Variants in NLRP13 observed in about 807,000 individuals in gnomAD.
The protein encoded by NLRP13 is NLR family pyrin domain containing 13.
In NLRP13, 82 loss-of-function variants were observed where a neutral mutation model predicts 94.4. The observed-to-expected ratio is 0.87, with a 90% CI of 0.73 to 1.04. The LOEUF is 1.04. Among genes scored for constraint, NLRP13 ranks in the 50% least tolerant of loss-of-function variants. The probability of loss-of-function intolerance (pLI) is 0.00; values close to 1 mark genes in which losing one functional copy is unlikely to be tolerated. For synonymous variants in NLRP13, 553 were observed against 464.7 expected, an observed-to-expected ratio of 1.19 and a Z score of -2.45; for missense variants, 1,426 against 1,230.8, an observed-to-expected ratio of 1.16 and a Z score of -2.37.
At chr19:55,911,039 G>A (rs1986494999) in intron 5 of NLRP13, among the ~76,000 whole-genome samples, 1 of 152,048 alleles carries the variant, frequency 6.6e-6, no homozygotes, top group South Asian at 2.1e-4. Flanking sequence ...TTCAACCTGG[G>A]AACCTACATC....
chr19:55,924,722 G>C, intron 2 of NLRP13, 64 bp from the exon 3 acceptor site: 1 of 1,441,088 alleles, frequency 6.9e-7, no homozygotes, highest in South Asian at 1.1e-5. Context: ...CAGCAATAAT[G>C]GAAGCCCCCA....
intron 10 of NLRP13, among the ~76,000 whole-genome samples, chr19:55,898,014 A>G (rs1373087426): frequency 6.6e-6 from 1 of 152,176 alleles, no homozygotes; most frequent in East Asian, 1.9e-4. Flanking sequence ...ATGGTTAACA[A>G]CGGTGAAGTG....
Position 55,923,844 on chromosome 19 carries a change from A to T in NLRP13, c.523+70T>A, listed in dbSNP as rs1052037383. 1.4e-5 allele frequency: 15 copies of T among 1,108,476 alleles called. No homozygotes were observed. In the Middle Eastern group the frequency reaches 6.0e-4, roughly 44 times the overall value. 68.7% of individuals were successfully genotyped at this position (1,108,476 alleles called of 1,614,324 possible). On this transcript the variant is annotated intron_variant, in intron 4 of 10. Coordinates refer to ENST00000342929, the MANE Select transcript of NLRP13 (RefSeq NM_176810.2). ...GAAAATGTCAGTATGAGGCAACTCT[A>T]CTATGGACCTAGTGAAACCAATGCT...
At chr19:55,924,071 A>G in intron 3 of NLRP13, 92 bp from the exon 4 acceptor site, 1 of 950,548 alleles carries the variant, frequency 1.1e-6, no homozygotes, top group Admixed American at 1.8e-5. Flanking sequence ...AACTCTTTCT[A>G]TGGCAAACTT....
In NLRP13 at chr19:55,917,895, G is replaced by C. The variant is rs144506528; in HGVS notation, c.524-4602C>G. 2.7e-3 allele frequency among the ~76,000 whole-genome samples: 413 copies of C among 152,002 alleles called. 3 individuals are homozygous for C. The highest frequency in any genetic ancestry group is 9.1e-3 in the African/African-American group (378 of 41,492). ...AACAAAGGAAGTCTGAACTTAAATT[G>C]GACTTTAGACCAAATGAAACTGACA... On this transcript the variant is annotated intron_variant, in intron 4 of 10. Coordinates refer to ENST00000342929, the MANE Select transcript of NLRP13 (RefSeq NM_176810.2).
At chr19:55,927,940 G>A (rs1460137403) in intron 1 of NLRP13, among the ~76,000 whole-genome samples, 2 of 152,152 alleles carry the variant, frequency 1.3e-5, no homozygotes, top group East Asian at 1.9e-4. Context: ...ACACAGTTGT[G>A]TCCGCAAACT....
intron 4 of NLRP13, among the ~76,000 whole-genome samples, chr19:55,913,548 C>CAAG (rs1986594456): frequency 1.9e-5 from 1 of 52,056 alleles, no homozygotes; most frequent in African/African-American, 6.8e-5. Context: ...GACTCCGTCT[C>CAAG]AAAAAAAAAA....
At chr19:55,919,595 G>A (rs1165669782) in intron 4 of NLRP13, among the ~76,000 whole-genome samples, 3 of 151,634 alleles carry the variant, frequency 2.0e-5, no homozygotes, top group Non-Finnish European at 2.9e-5. Context: ...ACCAAATTAA[G>A]AAGGCAATCT....
chr19:55,911,930 G>A lies in NLRP13; in HGVS notation c.1887C>T (p.Ala629=), dbSNP rs755260867. The change falls in exon 5 of 11, where the codon GCC becomes GCT. Residue 629 remains alanine, a synonymous_variant. Coordinates refer to ENST00000342929, the MANE Select transcript of NLRP13 (RefSeq NM_176810.2). ...GTCGTAGAATGTGAAATTGGAGAGA[G>A]GCACTTTCAGCCTTACCTAACTCTT... is the stretch of plus-strand genomic sequence containing the variant. The part of the protein sequence containing the change: ...WGEELGKAES[A]SLQFHILRLF... 9 of 1,614,026 alleles carry A rather than the reference G, an allele frequency of 5.6e-6. No individual in the cohort carries two copies. Among genetic ancestry groups the A allele is most frequent in the African/African-American group, 2.7e-5 (2 of 74,920 alleles).
chr19:55,925,087 C>G, intron 1 of NLRP13, 52 bp from the exon 2 acceptor site: 1 of 1,522,862 alleles, frequency 6.6e-7, no homozygotes, highest in Non-Finnish European at 9.1e-7. Flanking sequence ...TGAAAATGGA[C>G]CAGCAATAAT....
rs762428177 is a variant in NLRP13 at position 55,907,976 on chromosome 19, T to C, written c.2283-20A>G. The C allele has an allele frequency of 4.4e-6, 7 of 1,584,672 alleles. No individual in the cohort carries two copies. In the South Asian group the frequency reaches 8.0e-5, roughly 18 times the overall value. On this transcript the variant is annotated intron_variant, in intron 6 of 10. Transcript: ENST00000342929. ...TTGCACCTGAGGAAGGGAAGGGACA[T>C]GAAAGCTGGATTGGGGGAGAAGACT...
At chr19:55,929,765 A>T (rs1987062462) in intron 1 of NLRP13, among the ~76,000 whole-genome samples, 1 of 152,206 alleles carries the variant, frequency 6.6e-6, no homozygotes, top group South Asian at 2.1e-4. Flanking sequence ...CTAAAACTTG[A>T]AGTATAATAA....
intron 1 of NLRP13, among the ~76,000 whole-genome samples, chr19:55,930,420 T>A (rs971833572): frequency 1.3e-5 from 2 of 152,124 alleles, no homozygotes; most frequent in African/African-American, 4.8e-5. Flanking sequence ...GCATGGTGGC[T>A]CACGCCTGTA....
downstream of NLRP13, chr19:55,895,907 T>C (rs529153493): frequency 4.4e-6 from 7 of 1,600,404 alleles, no homozygotes; most frequent in Non-Finnish European, 5.1e-6. Context: ...TCTAGCCTTG[T>C]CCCTGTATGT....
intron 10 of NLRP13, among the ~76,000 whole-genome samples, chr19:55,896,374 T>C (rs1986010444): frequency 6.6e-6 from 1 of 151,070 alleles, no homozygotes; most frequent in Admixed American, 6.6e-5. Flanking sequence ...ATACAAAAAT[T>C]AGCCAGGCAT....
At chr19:55,917,887 C>T (rs186000526) in intron 4 of NLRP13, among the ~76,000 whole-genome samples, 24 of 152,150 alleles carry the variant, frequency 1.6e-4, no homozygotes, top group African/African-American at 1.4e-4. Flanking sequence ...GAAGTCTGAA[C>T]TTAAATTGGA....
At chr19:55,898,105 A>G (rs1318626876) in intron 10 of NLRP13, among the ~76,000 whole-genome samples, 3 of 152,182 alleles carry the variant, frequency 2.0e-5, no homozygotes, top group Non-Finnish European at 4.4e-5. Flanking sequence ...TGGGAGAGAC[A>G]ATATTTTCAA....
chr19:55,904,104 A>G (rs960500077), intron 8 of NLRP13, among the ~76,000 whole-genome samples: 2 of 151,934 alleles, frequency 1.3e-5, no homozygotes, highest in East Asian at 1.9e-4. Flanking sequence ...GCTTATTCCA[A>G]CCTTTTGAGA....
chr19:55,931,197 G>A (rs573879609), intron 1 of NLRP13, among the ~76,000 whole-genome samples: 79 of 152,192 alleles, frequency 5.2e-4, no homozygotes, highest in African/African-American at 1.5e-3. Flanking sequence ...GAGGAAGCGG[G>A]TAGATGTTTG....
Sources: allele counts gnomAD v4.1 joint callset (sites outside exome capture counted in the v4.1 genomes callset), GRCh38; gene constraint gnomAD v4.1.1; transcripts MANE v1.5; gene names NCBI Gene and HGNC (gene_info 2026-07-23, HGNC 2026-07-21).